ARID5B: variants seen among roughly 807,000 people sequenced by gnomAD.
The protein encoded by ARID5B is AT-rich interaction domain 5B.
In ARID5B, 13 loss-of-function variants were observed where a neutral mutation model predicts 97.2. That is an observed-to-expected ratio of 0.13 (90% CI 0.09 to 0.21). ARID5B has a LOEUF of 0.21. Among genes scored for constraint, ARID5B ranks in the 10% least tolerant of loss-of-function variants. The probability of loss-of-function intolerance (pLI) is 1.00; values close to 1 mark genes in which losing one functional copy is unlikely to be tolerated. For missense variants in ARID5B, 1,210 were observed against 1,465.3 expected (o/e 0.83, Z 2.84); for synonymous variants, 556 against 570.3 (o/e 0.97, Z 0.36).
chr10:61,935,169 G>A (rs1844277766), intron 2 of ARID5B, among the ~76,000 whole-genome samples: 1 of 152,210 alleles, frequency 6.6e-6, no homozygotes, highest in Middle Eastern at 3.4e-3. Flanking sequence ...GGCACAACTT[G>A]CTTCCCACAG....
chr10:61,968,739 G>A (rs1422247267), intron 3 of ARID5B, among the ~76,000 whole-genome samples: 1 of 152,130 alleles, frequency 6.6e-6, no homozygotes, highest in Non-Finnish European at 1.5e-5. Context: ...TATACAGTGT[G>A]TTTTAGGAAT....
chr10:61,915,149 T>C (rs957261322), intron 2 of ARID5B, among the ~76,000 whole-genome samples: 2 of 152,176 alleles, frequency 1.3e-5, no homozygotes, highest in Admixed American at 1.3e-4. Context: ...ACACTCCACA[T>C]AGCGCCTTTC....
At chr10:61,999,978 G>A in intron 3 of ARID5B, 113 bp from the exon 4 acceptor site, 1 of 1,040,610 alleles carries the variant, frequency 9.6e-7, no homozygotes, top group African/African-American at 1.6e-5. Flanking sequence ...CTGTAACAAG[G>A]ATGAGAGTCT....
At position 62,004,274 on chromosome 10, in the gene ARID5B, G is replaced by A. The variant is rs563480051; in HGVS notation, c.733+3953G>A. 3.9e-5 allele frequency among the ~76,000 whole-genome samples: 6 copies of A among 152,272 alleles called. No homozygotes were observed. The South Asian group carries it at 1.0e-3, about 26-fold the overall frequency. On this transcript the variant is annotated intron_variant, in intron 4 of 9. Coordinates refer to ENST00000279873, the MANE Select transcript of ARID5B (RefSeq NM_032199.3). ...TAAGCATAAATTGAATCGTATTAAT[G>A]GTAGGTGATTGAAAAGCTTCAGTCT...
In ARID5B at chr10:62,094,122, G is replaced by A. The variant is rs1347940394; in HGVS notation, c.*1092G>A. 6 of 233,290 alleles carry A rather than the reference G, an allele frequency of 2.6e-5. No individual in the cohort carries two copies. Among genetic ancestry groups the A allele is most frequent in the Admixed American group, 2.3e-4 (4 of 17,766 alleles). 14.5% of individuals were successfully genotyped at this position (233,290 alleles called of 1,614,324 possible). ...CTGCCGAATAACAACAGAGTCTAGAGGACATATTTGTGGGCTGCACAGATA... is the reference window on the plus strand; with the variant it reads ...CTGCCGAATAACAACAGAGTCTAGAAGACATATTTGTGGGCTGCACAGATA... On this transcript the variant is annotated 3_prime_UTR_variant, in exon 10 of 10. Transcript: ENST00000279873.
chr10:61,961,743 T>C (rs1402675879), intron 3 of ARID5B, among the ~76,000 whole-genome samples: 4 of 152,142 alleles, frequency 2.6e-5, no homozygotes, highest in African/African-American at 9.7e-5. Context: ...AATTTCTTTC[T>C]TTCTTTCTTT....
chr10:62,046,774 T>G (rs1839713508), intron 4 of ARID5B: 1 of 147,242 alleles, frequency 6.8e-6, no homozygotes, highest in African/African-American at 2.6e-5. Context: ...TAGGGCTCTC[T>G]GACTAAGTTT....
intron 9 of ARID5B, among the ~76,000 whole-genome samples, chr10:62,086,528 C>A (rs370540758): frequency 2.0e-5 from 3 of 151,570 alleles, no homozygotes; most frequent in African/African-American, 7.3e-5. Flanking sequence ...GGTGAAACCC[C>A]GTCTCTACTA....
chr10:62,081,145 C>A lies in ARID5B; in HGVS notation c.1200-4557C>A, dbSNP rs937493013. Among the ~76,000 whole-genome samples, 10 of 152,294 alleles carry A rather than the reference C, an allele frequency of 6.6e-5. 1 individual carries two copies. Among genetic ancestry groups the A allele is most frequent in the Admixed American group, 5.9e-4 (9 of 15,300 alleles). ...CCTGACATGCACCAATGTTATTTCC[C>A]TCTGCCCCTAGAAAATATTCTGCTC... On this transcript the variant is annotated intron_variant, in intron 8 of 9. Coordinates refer to ENST00000279873, the MANE Select transcript of ARID5B (RefSeq NM_032199.3).
intron 4 of ARID5B, among the ~76,000 whole-genome samples, chr10:62,039,994 A>G (rs1448243193): frequency 6.6e-6 from 1 of 152,270 alleles, no homozygotes; most frequent in African/African-American, 2.4e-5. Flanking sequence ...CCAAGCAACT[A>G]AAATCACTCC....
chr10:62,080,430 G>C (rs1383252657), intron 8 of ARID5B, among the ~76,000 whole-genome samples: 2 of 152,142 alleles, frequency 1.3e-5, no homozygotes, highest in Non-Finnish European at 2.9e-5. Flanking sequence ...TGTTGATTTG[G>C]TTCCCTACCC....
At chr10:62,071,384 TGA>T (rs1251009280) in intron 8 of ARID5B, among the ~76,000 whole-genome samples, 2 of 152,292 alleles carry the variant, frequency 1.3e-5, no homozygotes, top group African/African-American at 4.8e-5. Context: ...GATTCTGTTT[TGA>T]GAGTGGACAT....
At chr10:61,958,531 C>T (rs1241975371) in intron 3 of ARID5B, among the ~76,000 whole-genome samples, 5 of 152,144 alleles carry the variant, frequency 3.3e-5, no homozygotes, top group Non-Finnish European at 5.9e-5. Context: ...CGGCCGTGAC[C>T]TCTTTTTCAT....
intron 3 of ARID5B, among the ~76,000 whole-genome samples, chr10:61,943,508 C>T (rs539260593): frequency 1.4e-3 from 208 of 144,032 alleles, no homozygotes; most frequent in Non-Finnish European, 1.9e-3. Flanking sequence ...AAGCAAAGAA[C>T]GGAAAGATCT....
At chr10:61,979,542 G>A (rs1163776190) in intron 3 of ARID5B, among the ~76,000 whole-genome samples, 1 of 152,174 alleles carries the variant, frequency 6.6e-6, no homozygotes, top group South Asian at 2.1e-4. Context: ...TTCCCAATTG[G>A]AGGTCTTTTC....
chr10:61,929,448 T>A (rs1253886975), intron 2 of ARID5B, among the ~76,000 whole-genome samples: 1 of 152,218 alleles, frequency 6.6e-6, no homozygotes, highest in Non-Finnish European at 1.5e-5. Context: ...TACAACACAG[T>A]ATGATAAGAA....
chr10:61,912,715 G>C (rs951123115), intron 2 of ARID5B, among the ~76,000 whole-genome samples: 3 of 150,182 alleles, frequency 2.0e-5, no homozygotes, highest in African/African-American at 7.3e-5. Flanking sequence ...CACACATACA[G>C]ATAACTTGTC....
chr10:62,017,447 G>A (rs558221273), intron 4 of ARID5B, among the ~76,000 whole-genome samples: 17 of 149,430 alleles, frequency 1.1e-4, no homozygotes, highest in African/African-American at 3.4e-4. Context: ...GCGAGACCCC[G>A]TCTCGAAAAA....
intron 9 of ARID5B, among the ~76,000 whole-genome samples, chr10:62,088,646 C>T (rs1423010296): frequency 6.6e-6 from 1 of 152,244 alleles, no homozygotes; most frequent in African/African-American, 2.4e-5. Flanking sequence ...CTTCCACCCT[C>T]TCCAAGGTTG....
Sources: allele counts gnomAD v4.1 joint callset (sites outside exome capture counted in the v4.1 genomes callset), GRCh38; gene constraint gnomAD v4.1.1; transcripts MANE v1.5; gene names NCBI Gene and HGNC (gene_info 2026-07-23, HGNC 2026-07-21).